Variants in ARL8B observed in about 807,000 individuals in gnomAD.
ARL8B encodes the protein ARF like GTPase 8B.
In ARL8B, 9 loss-of-function variants were observed where a neutral mutation model predicts 30.6. The observed-to-expected ratio is 0.29, with a 90% CI of 0.18 to 0.51. The LOEUF is 0.51. Among genes scored for constraint, ARL8B ranks in the 20% least tolerant of loss-of-function variants. ARL8B has a pLI of 0.97. For missense variants in ARL8B, 130 were observed against 227.2 expected (o/e 0.57, Z 2.75); for synonymous variants, 74 against 76.0 (o/e 0.97, Z 0.14).
chr3:5,141,671 C>G (rs1237151131), intron 1 of ARL8B, among the ~76,000 whole-genome samples: 1 of 152,154 alleles, frequency 6.6e-6, no homozygotes, highest in African/African-American at 2.4e-5. Context: ...CCTTGTAAAG[C>G]TTTTGTGATG....
chr3:5,172,812 TATTA>T, intron 4 of ARL8B, 72 bp downstream of exon 4: 3 of 1,007,196 alleles, frequency 3.0e-6, no homozygotes, highest in Non-Finnish European at 4.4e-6. Context: ...TATGCAGTGA[TATTA>T]ATTATGTTTG....
At position 5,180,708 on chromosome 3, in the gene ARL8B, C is replaced by G. The variant is rs895469133; in HGVS notation, c.*1995C>G. ...ATGCATTTTTTGTCTGTTTACTGCT[C>G]TTCTCAGCTTTATTCAATAAACTTG... On this transcript the variant is annotated 3_prime_UTR_variant, in exon 7 of 7. Coordinates refer to ENST00000256496, the MANE Select transcript of ARL8B (RefSeq NM_018184.3). 1 of 152,572 alleles carries G rather than the reference C, an allele frequency of 6.6e-6. No individual in the cohort carries two copies. Among genetic ancestry groups the G allele is most frequent in the African/African-American group, 2.4e-5 (1 of 41,414 alleles). The allele number at this position is 152,572 out of a possible 1,614,324, so 9.5% of individuals were successfully genotyped here. A position where few individuals can be genotyped will look rare whatever the true frequency, so the allele number is the denominator to read the frequency against.
chr3:5,155,609 G>C (rs964991650), intron 1 of ARL8B, among the ~76,000 whole-genome samples: 3 of 150,590 alleles, frequency 2.0e-5, no homozygotes, highest in African/African-American at 7.3e-5. Context: ...TTCTTTCTCT[G>C]ACTCAGACTG....
At chr3:5,130,135 A>G (rs1226609980) in intron 1 of ARL8B, among the ~76,000 whole-genome samples, 2 of 152,106 alleles carry the variant, frequency 1.3e-5, no homozygotes, top group Non-Finnish European at 2.9e-5. Flanking sequence ...AAGTACTGGG[A>G]TTACAGGCGT....
At chr3:5,142,424 C>G (rs1447802640) in intron 1 of ARL8B, among the ~76,000 whole-genome samples, 1 of 152,066 alleles carries the variant, frequency 6.6e-6, no homozygotes, top group East Asian at 1.9e-4. Flanking sequence ...GTCTTGTTTC[C>G]CCATGCGTCC....
intron 1 of ARL8B, among the ~76,000 whole-genome samples, chr3:5,144,059 A>G (rs1050487102): frequency 1.3e-5 from 2 of 152,228 alleles, no homozygotes; most frequent in Non-Finnish European, 2.9e-5. Context: ...GGGGATACCA[A>G]GGAGTGTGAT....
At chr3:5,133,628 A>C (rs537140900) in intron 1 of ARL8B, among the ~76,000 whole-genome samples, 1 of 152,238 alleles carries the variant, frequency 6.6e-6, no homozygotes, top group Non-Finnish European at 1.5e-5. Context: ...TGATTTGAGT[A>C]TAAATTGTAT....
chr3:5,129,122 T>A (rs2054258798), intron 1 of ARL8B, among the ~76,000 whole-genome samples: 1 of 152,198 alleles, frequency 6.6e-6, no homozygotes, highest in African/African-American at 2.4e-5. Context: ...ATGGCCAAAT[T>A]GCTTTCCAGA....
chr3:5,155,719 T>C (rs1359519347), intron 1 of ARL8B, among the ~76,000 whole-genome samples: 1 of 147,314 alleles, frequency 6.8e-6, no homozygotes, highest in Non-Finnish European at 1.5e-5. Flanking sequence ...CTAGTAAATT[T>C]TGCATTTGCT....
At chr3:5,128,442 AT>A (rs780881301) in intron 1 of ARL8B, 6 of 453,878 alleles carry the variant, frequency 1.3e-5, no homozygotes, top group Non-Finnish European at 2.2e-5. Flanking sequence ...CGCTCCAATT[AT>A]TTGTTTTTCC....
At chr3:5,170,610 T>G (rs2054663819) in intron 2 of ARL8B, 27 bp downstream of exon 2, 1 of 1,552,246 alleles carries the variant, frequency 6.4e-7, no homozygotes, top group South Asian at 1.1e-5. Flanking sequence ...CGTACGCAAT[T>G]TAAATTGTTA....
At chr3:5,122,617 G>C in intron 1 of ARL8B, 29 bp downstream of exon 1, 1 of 1,580,588 alleles carries the variant, frequency 6.3e-7, no homozygotes, top group Non-Finnish European at 8.6e-7. Flanking sequence ...ACTCGCCCGG[G>C]GCTCCGCAGC....
intron 1 of ARL8B, among the ~76,000 whole-genome samples, chr3:5,164,805 A>G (rs1162059744): frequency 6.6e-6 from 1 of 152,212 alleles, no homozygotes; most frequent in Non-Finnish European, 1.5e-5. Context: ...GATGCAGTCT[A>G]GGATCATGTA....
At chr3:5,134,712 G>T (rs1020731709) in intron 1 of ARL8B, among the ~76,000 whole-genome samples, 2 of 152,162 alleles carry the variant, frequency 1.3e-5, no homozygotes, top group Non-Finnish European at 2.9e-5. Context: ...AGCCCAGTTA[G>T]GTTCTTTGAT....
chr3:5,144,996 C>T (rs1559279206), intron 1 of ARL8B, among the ~76,000 whole-genome samples: 1 of 152,180 alleles, frequency 6.6e-6, no homozygotes. Context: ...GCATATAATT[C>T]ACAGGTTTGG....
intron 1 of ARL8B, among the ~76,000 whole-genome samples, chr3:5,162,926 G>A (rs561007705): frequency 2.0e-5 from 3 of 151,374 alleles, no homozygotes; most frequent in Non-Finnish European, 2.9e-5. Flanking sequence ...CCACTTTTTG[G>A]AGTCTCCCAT....
At chr3:5,156,859 C>T (rs2054537976) in intron 1 of ARL8B, 1 of 152,278 alleles carries the variant, frequency 6.6e-6, no homozygotes, top group South Asian at 2.1e-4. Context: ...CCCCCAGCCT[C>T]CCAAAATGCT....
At chr3:5,171,636 C>T (rs1441024972) in intron 2 of ARL8B, among the ~76,000 whole-genome samples, 1 of 152,198 alleles carries the variant, frequency 6.6e-6, no homozygotes, top group African/African-American at 2.4e-5. Flanking sequence ...GTGTGAGCCA[C>T]CATGCCTGAC....
chr3:5,145,591 T>G (rs1345298807), intron 1 of ARL8B, among the ~76,000 whole-genome samples: 1 of 152,308 alleles, frequency 6.6e-6, no homozygotes, highest in East Asian at 1.9e-4. Context: ...TACAAACAGA[T>G]GGAATGGTTT....
Sources: allele counts gnomAD v4.1 joint callset (sites outside exome capture counted in the v4.1 genomes callset), GRCh38; gene constraint gnomAD v4.1.1; transcripts MANE v1.5; gene names NCBI Gene and HGNC (gene_info 2026-07-23, HGNC 2026-07-21).